Variants in EXOC2 observed in about 807,000 individuals in gnomAD.
EXOC2 encodes the protein exocyst complex component 2.
In EXOC2, 70 loss-of-function variants were observed where a neutral mutation model predicts 131.8. The ratio of observed to expected loss-of-function variants is 0.53; its 90% confidence interval spans 0.44 to 0.65. The LOEUF (loss-of-function observed/expected upper bound fraction) is 0.65. Among genes scored for constraint, EXOC2 ranks in the 30% least tolerant of loss-of-function variants. The pLI is 0.00. For synonymous variants in EXOC2, 411 were observed against 398.4 expected (o/e 1.03, Z -0.38); for missense variants, 923 against 1,108.6 (o/e 0.83, Z 2.38).
intron 11 of EXOC2, among the ~76,000 whole-genome samples, chr6:578,091 C>T (rs11970217): frequency 0.022 from 3,321 of 152,204 alleles, 113 homozygotes; most frequent in African/African-American, 0.074. Flanking sequence ...CTCCATGTTC[C>T]CCACAGTCAT....
chr6:592,314 T>C (rs553218139), intron 11 of EXOC2, among the ~76,000 whole-genome samples, 155 bp downstream of exon 11: 1 of 151,956 alleles, frequency 6.6e-6, no homozygotes, highest in African/African-American at 2.4e-5. Flanking sequence ...AGTACAATGC[T>C]AACCAGTGGC....
intron 11 of EXOC2, among the ~76,000 whole-genome samples, chr6:577,312 C>T (rs1423708834): frequency 6.6e-6 from 1 of 152,190 alleles, no homozygotes; most frequent in Non-Finnish European, 1.5e-5. Flanking sequence ...TGGGATTTCA[C>T]TCCCTATGGC....
chr6:549,398 T>G, intron 21 of EXOC2, 107 bp from the exon 22 acceptor site: 1 of 759,918 alleles, frequency 1.3e-6, no homozygotes, highest in East Asian at 2.6e-5. Flanking sequence ...AACGTCAATA[T>G]CCAATGCTTT....
chr6:676,116 C>T (rs1432541765), intron 1 of EXOC2, among the ~76,000 whole-genome samples: 6 of 70,546 alleles, frequency 8.5e-5, no homozygotes, highest in African/African-American at 1.3e-4. Context: ...ACGGAAAGGA[C>T]AGGTTCCTCT....
intron 1 of EXOC2, among the ~76,000 whole-genome samples, chr6:671,191 T>C (rs902929395): frequency 5.3e-5 from 8 of 151,568 alleles, no homozygotes; most frequent in African/African-American, 1.9e-4. Flanking sequence ...ATCCCGTCTC[T>C]ACTAAAAGTA....
intron 22 of EXOC2, 69 bp downstream of exon 22, chr6:549,106 G>T: frequency 1.5e-6 from 2 of 1,303,680 alleles, no homozygotes; most frequent in Non-Finnish European, 2.2e-6. Flanking sequence ...CAGAACACAG[G>T]CTAGGAAACA....
intron 1 of EXOC2, chr6:655,999 C>A (rs930635822): frequency 3.9e-6 from 3 of 765,158 alleles, no homozygotes; most frequent in Non-Finnish European, 4.3e-6. Context: ...AAAATATACG[C>A]CCTGCATAAG....
At chr6:567,982 C>T (rs1345759464) in intron 13 of EXOC2, among the ~76,000 whole-genome samples, 4 of 152,182 alleles carry the variant, frequency 2.6e-5, no homozygotes, top group Non-Finnish European at 5.9e-5. Flanking sequence ...GGTTGGAGAG[C>T]TTTGTGTGAC....
intron 4 of EXOC2, among the ~76,000 whole-genome samples, chr6:622,777 T>C (rs1420118796): frequency 2.0e-5 from 3 of 152,238 alleles, no homozygotes; most frequent in African/African-American, 7.2e-5. Context: ...GTGGTACTGA[T>C]GGTACTGAAC....
intron 23 of EXOC2, among the ~76,000 whole-genome samples, chr6:517,266 C>A (rs771415543): frequency 9.9e-5 from 15 of 152,082 alleles, no homozygotes; most frequent in African/African-American, 2.4e-5. Flanking sequence ...TGGAACATGG[C>A]ACCCTATGGC....
chr6:656,812 C>G (rs1020167801), intron 1 of EXOC2: 17 of 1,608,694 alleles, frequency 1.1e-5, no homozygotes, highest in Admixed American at 1.7e-5. Context: ...CCGCCGGAAC[C>G]CGCGGGGCCG....
chr6:488,849 G>A, intron 27 of EXOC2, 130 bp downstream of exon 27: 1 of 955,702 alleles, frequency 1.0e-6, no homozygotes, highest in Non-Finnish European at 1.6e-6. Flanking sequence ...AGGTATATCT[G>A]CTTATTCTGA....
intron 13 of EXOC2, among the ~76,000 whole-genome samples, chr6:568,629 T>A (rs1336108653): frequency 1.3e-5 from 2 of 152,180 alleles, no homozygotes; most frequent in Admixed American, 1.3e-4. Flanking sequence ...TCACCTGCTA[T>A]GGAGGGAGGC....
intron 1 of EXOC2, among the ~76,000 whole-genome samples, chr6:673,252 C>CAAAAAAAAAAAAAAAAAAAAA (rs56189394): frequency 2.2e-4 from 14 of 64,266 alleles, no homozygotes; most frequent in African/African-American, 2.8e-4. Context: ...ACTCCATAGC[C>CAAAAAAAAAAAAAAAAAAAAA]AAAAAAAAAA....
intron 4 of EXOC2, among the ~76,000 whole-genome samples, chr6:626,185 A>G (rs1217688008): frequency 6.6e-6 from 1 of 152,194 alleles, no homozygotes; most frequent in Non-Finnish European, 1.5e-5. Flanking sequence ...ATTTTTTCTG[A>G]GCAATTAGTA....
At chr6:681,938 A>T (rs1031774423) in intron 1 of EXOC2, among the ~76,000 whole-genome samples, 1 of 152,188 alleles carries the variant, frequency 6.6e-6, no homozygotes, top group Non-Finnish European at 1.5e-5. Context: ...TAACTCCTGG[A>T]GGATTTTGCC....
At chr6:521,257 C>T (rs534690162) in intron 23 of EXOC2, among the ~76,000 whole-genome samples, 29 of 151,808 alleles carry the variant, frequency 1.9e-4, no homozygotes, top group Non-Finnish European at 3.7e-4. Flanking sequence ...CGTCCACACT[C>T]GGAGACGAAA....
chr6:630,029 A>G (rs1183456740), intron 3 of EXOC2, 68 bp from the exon 4 acceptor site: 7 of 1,565,742 alleles, frequency 4.5e-6, no homozygotes, highest in African/African-American at 4.1e-5. Flanking sequence ...CGTCTGGCCT[A>G]TTGTCTGACT....
chr6:494,419 C>T (rs1214939470), intron 25 of EXOC2, among the ~76,000 whole-genome samples: 2 of 145,422 alleles, frequency 1.4e-5, no homozygotes, highest in African/African-American at 5.0e-5. Flanking sequence ...ATATCATTAA[C>T]TACAGTGGAC....
Sources: gnomAD v4.1 joint callset for allele counts (sites outside exome capture counted in the v4.1 genomes callset) on GRCh38, gnomAD v4.1.1 for gene constraint, MANE v1.5 for transcripts, NCBI Gene and HGNC (gene_info 2026-07-23, HGNC 2026-07-21) for gene names.